IGSF10: variants seen among roughly 807,000 people sequenced by gnomAD.
The protein encoded by IGSF10 is calvaria mechanical force protein 608.
IGSF10 carries 126 observed loss-of-function variants against 128.2 expected under a neutral mutation model. The observed-to-expected ratio is 0.98, with a 90% CI of 0.85 to 1.14. The LOEUF is 1.14. Ranked by LOEUF, IGSF10 falls within the 50% of genes most tolerant of loss-of-function variation. The pLI is 0.00. For synonymous variants in IGSF10, 1,185 were observed against 1,146.2 expected (o/e 1.03, Z -0.68); for missense variants, 3,295 against 3,149.8 (o/e 1.05, Z -1.10).
chr3:151,444,684 AATCATATTACTTTGAATCAGCTTTTGAGG>A (rs1329724896), intron 6 of IGSF10, among the ~76,000 whole-genome samples: 1 of 152,200 alleles, frequency 6.6e-6, no homozygotes, highest in Admixed American at 6.5e-5. Flanking sequence ...CTCTTTTTCA[AATCATATTACTTTGAATCAGCTTTTGAGG>A]CATTCCAAAA....
At chr3:151,564,320 T>C in the IGSF10 span, among the ~76,000 whole-genome samples, 1 of 151,752 alleles carries the variant, frequency 6.6e-6, no homozygotes, top group Admixed American at 6.6e-5. Flanking sequence ...ATATTTGACT[T>C]TTTTTTTAAT....
At chr3:151,465,160 G>A (rs570132421), upstream of IGSF10, among the ~76,000 whole-genome samples, 15 of 152,338 alleles carry the variant, frequency 9.8e-5, 1 homozygote, top group South Asian at 3.1e-3. Context: ...TAGATCTGGA[G>A]GAACAAGAGT....
chr3:151,582,968 C>G, the IGSF10 span, among the ~76,000 whole-genome samples: 3 of 151,936 alleles, frequency 2.0e-5, no homozygotes, highest in Non-Finnish European at 4.4e-5. Context: ...ATCTTTTATT[C>G]CTAGCTTGCC....
chr3:151,467,690 C>A, the IGSF10 span, among the ~76,000 whole-genome samples: 1 of 152,122 alleles, frequency 6.6e-6, no homozygotes, highest in African/African-American at 2.4e-5. Flanking sequence ...CGAGACCGTC[C>A]TGGCTAACGC....
At chr3:151,442,268 G>A (rs749084725) in intron 7 of IGSF10, among the ~76,000 whole-genome samples, 6 of 151,974 alleles carry the variant, frequency 3.9e-5, no homozygotes, top group Non-Finnish European at 7.4e-5. Flanking sequence ...TCGAATAGGG[G>A]ACTCAGACGA....
chr3:151,436,582 A>G lies in IGSF10; in HGVS notation c.*107T>C, dbSNP rs927987411. On this transcript the variant is annotated 3_prime_UTR_variant, in exon 8 of 8. Coordinates refer to ENST00000282466, the MANE Select transcript of IGSF10 (RefSeq NM_178822.5). ...ATTTTGCATGTTCATTGTAAATTTAATACTGTAAATGTATTCAAATTCATT... is the reference window on the plus strand; with the variant it reads ...ATTTTGCATGTTCATTGTAAATTTAGTACTGTAAATGTATTCAAATTCATT... 3 of 724,188 alleles carry G rather than the reference A, an allele frequency of 4.1e-6. No individual in the cohort carries two copies. In the African/African-American group the frequency reaches 5.3e-5, roughly 13 times the overall value. The allele number at this position is 724,188 out of a possible 1,614,324, so 44.9% of individuals were successfully genotyped here.
Position 151,449,254 on chromosome 3 carries a change from A to G in IGSF10, c.727T>C (p.Cys243Arg). ...WIQEKPDVIK[C>R]KKDRSPSSAQ... Reference sequence around the variant, plus strand: ...CTAGAGGGACTTCTATCTTTTTTGCATTTTATTACATCTGGAAAAAAATCA... The same window carrying G: ...CTAGAGGGACTTCTATCTTTTTTGCGTTTTATTACATCTGGAAAAAAATCA... Residue 243 changes from cysteine to arginine, a missense_variant, in exon 6 of 8, where the codon TGC (cysteine) becomes CGC (arginine). By Grantham distance (180) the Cys-to-Arg change is radical. Coordinates refer to ENST00000282466, the MANE Select transcript of IGSF10 (RefSeq NM_178822.5). The G allele has an allele frequency of 1.3e-6, 2 of 1,570,200 alleles. No individual in the cohort carries two copies. Among genetic ancestry groups the G allele is most frequent in the Middle Eastern group, 1.7e-4 (1 of 5,850 alleles).
the IGSF10 span, among the ~76,000 whole-genome samples, chr3:151,526,061 A>G: frequency 3.3e-5 from 5 of 152,296 alleles, no homozygotes; most frequent in African/African-American, 9.6e-5. Context: ...GCCCCTCATC[A>G]CTGAGCATCT....
the IGSF10 span, among the ~76,000 whole-genome samples, chr3:151,598,626 TA>T: frequency 6.6e-6 from 1 of 152,260 alleles, no homozygotes; most frequent in Non-Finnish European, 1.5e-5. Flanking sequence ...AGGTAAATGC[TA>T]TGTAAATTGT....
the IGSF10 span, among the ~76,000 whole-genome samples, chr3:151,592,709 A>T: frequency 1.3e-5 from 2 of 152,154 alleles, no homozygotes; most frequent in Non-Finnish European, 2.9e-5. Context: ...ATATCTAGGG[A>T]GACTTATAAT....
At chr3:151,529,686 C>T in the IGSF10 span, among the ~76,000 whole-genome samples, 2 of 152,128 alleles carry the variant, frequency 1.3e-5, no homozygotes, top group African/African-American at 4.8e-5. Flanking sequence ...GACGTCCACT[C>T]AGAGACCACA....
chr3:151,459,816 C>T (rs904667640), intron 2 of IGSF10, among the ~76,000 whole-genome samples: 2 of 152,184 alleles, frequency 1.3e-5, no homozygotes, highest in Non-Finnish European at 2.9e-5. Context: ...TAAATCCCAC[C>T]GTTCTGTGGA....
chr3:151,588,076 GAAAT>G, the IGSF10 span, among the ~76,000 whole-genome samples: 25 of 152,280 alleles, frequency 1.6e-4, no homozygotes, highest in African/African-American at 5.5e-4. Flanking sequence ...AGTGAGGTAT[GAAAT>G]AAATAAATAG....
the IGSF10 span, among the ~76,000 whole-genome samples, chr3:151,608,566 C>G: frequency 1.1e-3 from 166 of 152,306 alleles, 1 homozygote; most frequent in Non-Finnish European, 2.1e-3. Flanking sequence ...ACCACTTACT[C>G]TCTTTCACTT....
chr3:151,546,597 C>T, the IGSF10 span, among the ~76,000 whole-genome samples: 1 of 151,844 alleles, frequency 6.6e-6, no homozygotes, highest in Non-Finnish European at 1.5e-5. Context: ...GCTCAAATCC[C>T]TCCTTGGCTT....
At chr3:151,538,918 C>T in the IGSF10 span, among the ~76,000 whole-genome samples, 1 of 152,146 alleles carries the variant, frequency 6.6e-6, no homozygotes, top group Non-Finnish European at 1.5e-5. Flanking sequence ...AACTGTTACT[C>T]CAGCAAACGA....
the IGSF10 span, among the ~76,000 whole-genome samples, chr3:151,472,097 C>T: frequency 6.6e-6 from 1 of 152,116 alleles, no homozygotes; most frequent in African/African-American, 2.4e-5. Context: ...GAAAAAAATA[C>T]TGGTGGGGTG....
the IGSF10 span, among the ~76,000 whole-genome samples, chr3:151,494,704 A>C: frequency 1.6e-3 from 243 of 152,274 alleles, no homozygotes; most frequent in Non-Finnish European, 2.8e-3. Flanking sequence ...TTTTATTCAT[A>C]GATTCTGTCA....
At chr3:151,610,280 ATT>A in the IGSF10 span, among the ~76,000 whole-genome samples, 2 of 152,220 alleles carry the variant, frequency 1.3e-5, no homozygotes, top group Non-Finnish European at 2.9e-5. Flanking sequence ...TCATTCAAAT[ATT>A]GATAGAACAT....
Sources: allele counts gnomAD v4.1 joint callset (sites outside exome capture counted in the v4.1 genomes callset), GRCh38; gene constraint gnomAD v4.1.1; transcripts MANE v1.5; gene names NCBI Gene and HGNC (gene_info 2026-07-23, HGNC 2026-07-21).